CAMSAP3: variants seen among roughly 807,000 people sequenced by gnomAD.
The protein encoded by CAMSAP3 is calmodulin-regulated spectrin-associated protein 3.
A neutral mutation model predicts 112.5 loss-of-function variants in CAMSAP3; 34 were observed. The ratio of observed to expected loss-of-function variants is 0.30; its 90% CI spans 0.23 to 0.40. CAMSAP3 has a LOEUF of 0.40. CAMSAP3 is among the 10% of genes least tolerant of loss of function. The probability of loss-of-function intolerance (pLI) is 1.00; values close to 1 mark genes in which losing one functional copy is unlikely to be tolerated. For missense variants in CAMSAP3, 1,602 were observed against 1,770.3 expected, an observed-to-expected ratio of 0.90 and a Z score of 1.71; for synonymous variants, 868 against 799.8, an observed-to-expected ratio of 1.09 and a Z score of -1.44.
At chr19:7,601,246 T>C (rs2029953270) in intron 1 of CAMSAP3, among the ~76,000 whole-genome samples, 2 of 152,388 alleles carry the variant, frequency 1.3e-5, no homozygotes, top group East Asian at 1.9e-4. Flanking sequence ...TAAATTCTTA[T>C]TGTTTCTACA....
At chr19:7,616,773 T>G (rs2146177572) in intron 14 of CAMSAP3, 151 bp downstream of exon 14, 1 of 622,580 alleles carries the variant, frequency 1.6e-6, no homozygotes, top group East Asian at 2.9e-5. Context: ...TGGGCACGTG[T>G]GCATGGGGCA....
chr19:7,615,799 A>G lies in CAMSAP3; in HGVS notation c.3112+80A>G, dbSNP rs1468435532. The G allele has an allele frequency of 1.4e-4, 18 of 126,528 alleles. No homozygotes were observed. The highest frequency in any genetic ancestry group is 9.4e-4 in the South Asian group (2 of 2,126). 7.8% of individuals were successfully genotyped at this position (126,528 alleles called of 1,614,324 possible). On this transcript the variant is annotated intron_variant, in intron 13 of 16. Coordinates refer to ENST00000160298, the MANE Select transcript of CAMSAP3 (RefSeq NM_020902.2). This position sits in a 1 kb window ranked among gnomAD's most constrained non-coding sequence, Gnocchi z 6.5. ...GTGAGGCCCCCATGGGTAAGGGGGG[A>G]GGGGGAGGGAGATGTAAGCAGGGGT...
chr19:7,611,041 A>G lies in CAMSAP3; in HGVS notation c.1050-54A>G. The G allele has an allele frequency of 2.5e-6, 4 of 1,604,840 alleles. No homozygotes were observed. The South Asian group carries it at 4.4e-5, about 18-fold the overall frequency. On this transcript the variant is annotated intron_variant, in intron 8 of 16. Transcript: ENST00000160298. This position sits in a 1 kb window ranked among gnomAD's most constrained non-coding sequence, Gnocchi z 6.9. ...GTGATGCTGTTGTCTCCCCCCGGGG[A>G]GAGGCGGAGGAGGAGGTGGGGGTCC... is the stretch of plus-strand genomic sequence containing the variant.
At chr19:7,616,927 G>C (rs1907526651) in intron 14 of CAMSAP3, among the ~76,000 whole-genome samples, 1 of 139,936 alleles carries the variant, frequency 7.1e-6, no homozygotes, top group South Asian at 2.3e-4. Context: ...CAGTGTGTGT[G>C]GCCCGCCTTT....
At chr19:7,597,576 A>G (rs1478659406) in intron 1 of CAMSAP3, among the ~76,000 whole-genome samples, 1 of 152,208 alleles carries the variant, frequency 6.6e-6, no homozygotes, top group African/African-American at 2.4e-5. Context: ...TGCTATGTGT[A>G]GGGCACTGCT....
chr19:7,616,725 G>C (rs1394989410), intron 14 of CAMSAP3, 103 bp downstream of exon 14: 14 of 796,860 alleles, frequency 1.8e-5, no homozygotes, highest in South Asian at 5.6e-5. Flanking sequence ...TATGGCTCGA[G>C]TTTATGGATA....
intron 1 of CAMSAP3, among the ~76,000 whole-genome samples, chr19:7,600,347 T>C (rs1222304064): frequency 8.9e-3 from 1 of 112 alleles, no homozygotes; most frequent in Non-Finnish European, 0.019. Context: ...ACCCACCCAC[T>C]CATCCACCCA....
chr19:7,600,622 C>A (rs1352336776), intron 1 of CAMSAP3, among the ~76,000 whole-genome samples: 1 of 68,862 alleles, frequency 1.5e-5, no homozygotes, highest in Non-Finnish European at 2.7e-5. Flanking sequence ...ATCCACTCAT[C>A]CATCCACCCA....
chr19:7,608,179 G>T lies in CAMSAP3; in HGVS notation c.675G>T (p.Thr225=), dbSNP rs145801118. 6.9e-5 allele frequency: 111 copies of T among 1,612,594 alleles called. No individual in the cohort carries two copies. In the African/African-American group the frequency reaches 1.4e-3, roughly 20 times the overall value. The change falls in exon 5 of 17, where the codon ACG becomes ACT. Residue 225 remains threonine (T), a synonymous_variant. Transcript: ENST00000160298. ...VVARRAPCFP[T]VTSLQDLASG... ...CGCGACGTGCCCCCTGCTTCCCGAC[G>T]GTGACCAGCCTCCAGGACCTGGCCA...
Position 7,615,450 on chromosome 19 carries a change from C to T in CAMSAP3, c.2843C>T (p.Pro948Leu), listed in dbSNP as rs561595447. ...CAAGAGGAGGCCCCGGGCCCAGCCC[C>T]GCTTGTGTCCGCAGTCCCGATGGCG... ...LAQEEAPGPA[P>L]LVSAVPMATP... Residue 948 changes from proline (P) to leucine (L), a missense_variant, in exon 13 of 17, where the codon CCG becomes CTG. Pro to Leu is a moderately conservative substitution (Grantham distance 98, BLOSUM62 -3). Around this residue, in one of 6 missense-constraint regions of CAMSAP3, gnomAD observed 1,100 missense variants for 1,135.7 expected, o/e 0.97. Transcript: ENST00000160298. The surrounding 1 kb of genome is among the most constrained non-coding windows in gnomAD (Gnocchi z 6.5). 75 of 1,540,636 alleles carry T rather than the reference C, an allele frequency of 4.9e-5. No homozygotes were observed. The highest frequency in any genetic ancestry group is 6.1e-5 in the Non-Finnish European group (70 of 1,146,122).
chr19:7,600,424 C>T (rs1367232843), intron 1 of CAMSAP3, among the ~76,000 whole-genome samples: 1 of 12,070 alleles, frequency 8.3e-5, no homozygotes, highest in East Asian at 1.1e-3. Context: ...TCCATCCACC[C>T]GCCCATCCAT....
At chr19:7,606,156 A>ACACCC in intron 2 of CAMSAP3, 115 bp from the exon 3 acceptor site, 1 of 224,848 alleles carries the variant, frequency 4.4e-6, no homozygotes, top group East Asian at 1.2e-4. Flanking sequence ...CTCAAGCCCC[A>ACACCC]CCCCCCCCGT....
rs1480100355 is a variant in CAMSAP3 at position 7,612,918 on chromosome 19, C to T, written c.2425C>T (p.His809Tyr). The T allele has an allele frequency of 1.2e-6, 2 of 1,609,932 alleles. No homozygotes were observed. Among genetic ancestry groups the T allele is most frequent in the Non-Finnish European group, 1.7e-6 (2 of 1,179,208 alleles). Residue 809 changes from histidine (H) to tyrosine (Y), a missense_variant, in exon 11 of 17, where the codon CAC (histidine) becomes TAC (tyrosine). Physicochemically the swap from His to Tyr is moderately conservative, Grantham distance 83 (BLOSUM62 2). This residue lies in a region of CAMSAP3 where 1,100 missense variants were observed against 1,135.7 expected (regional missense o/e 0.97). Coordinates refer to ENST00000160298, the MANE Select transcript of CAMSAP3 (RefSeq NM_020902.2). ...ACCCCACGACGTAGACAGCCTCCCC[C>T]ACCTGCGCAAGTTCTCGCCGAGCCA... ...TPPHDVDSLPHLRKFSPSQVP... is the reference protein window; with the variant it reads ...TPPHDVDSLPYLRKFSPSQVP...
rs936636042 is a variant in CAMSAP3, at chr19:7,611,841, C to T, written c.1348C>T (p.Pro450Ser). 6.4e-7 allele frequency: 1 copy of T among 1,573,434 alleles called. No individual in the cohort carries two copies. Residue 450 changes from proline (P) to serine (S), a missense_variant, in exon 11 of 17, where the codon CCC becomes TCC. This residue lies in a region of CAMSAP3 where 1,100 missense variants were observed against 1,135.7 expected (regional missense o/e 0.97). Coordinates refer to ENST00000160298, the MANE Select transcript of CAMSAP3 (RefSeq NM_020902.2). The surrounding 1 kb of genome is among the most constrained non-coding windows in gnomAD (Gnocchi z 6.9). ...GCCGGCCAGGACCCCCACCCAGCCACCCCCGGAGCCTGGTGACCTGCCCAC... is the reference window on the plus strand; with the variant it reads ...GCCGGCCAGGACCCCCACCCAGCCATCCCCGGAGCCTGGTGACCTGCCCAC... ...PAPARTPTQPPPEPGDLPTIE... is the reference protein window; with the variant it reads ...PAPARTPTQPSPEPGDLPTIE...
At chr19:7,606,249 C>T (rs1208691675) in intron 2 of CAMSAP3, 22 bp from the exon 3 acceptor site, 4 of 1,602,876 alleles carry the variant, frequency 2.5e-6, no homozygotes, top group South Asian at 1.1e-5. Context: ...CAGGTCTCAC[C>T]CTCTAGCGCT....
chr19:7,596,559 C>A (rs1259255158), intron 1 of CAMSAP3, among the ~76,000 whole-genome samples: 1 of 152,154 alleles, frequency 6.6e-6, no homozygotes, highest in Non-Finnish European at 1.5e-5. Context: ...CGAGGATCTC[C>A]TCTCGGTCTC....
rs2030301964 is a variant in CAMSAP3, at chr19:7,607,970, C to T, written c.622-156C>T. The stretch of plus-strand genomic sequence containing the variant: ...TCTCCTCTGCCTCTTGCTGCTGCCC[C>T]TCCCCTGCTCCAGGCTGGCCCCCCA... On this transcript the variant is annotated intron_variant, in intron 4 of 16. Coordinates refer to ENST00000160298, the MANE Select transcript of CAMSAP3 (RefSeq NM_020902.2). This position sits in a 1 kb window ranked among gnomAD's most constrained non-coding sequence, Gnocchi z 4.9. 2.2e-6 allele frequency: 2 copies of T among 918,542 alleles called. No individual in the cohort carries two copies. Among genetic ancestry groups the T allele is most frequent in the African/African-American group, 1.7e-5 (1 of 59,842 alleles). The allele number at this position is 918,542 out of a possible 1,614,324, so 56.9% of individuals were successfully genotyped here. A position where few individuals can be genotyped will look rare whatever the true frequency, so the allele number is the denominator to read the frequency against.
At chr19:7,596,742 C>A (rs1474430542) in intron 1 of CAMSAP3, among the ~76,000 whole-genome samples, 1 of 152,142 alleles carries the variant, frequency 6.6e-6, no homozygotes, top group Non-Finnish European at 1.5e-5. Context: ...GCCTCCATAG[C>A]CCCCTCCAGC....
Position 7,611,305 on chromosome 19 carries a change from C to A in CAMSAP3, c.1123+137C>A. The A allele has an allele frequency of 1.1e-6, 1 of 934,068 alleles. No individual in the cohort carries two copies. The highest frequency in any genetic ancestry group is 1.6e-5 in the African/African-American group (1 of 60,904). 57.9% of individuals were successfully genotyped at this position (934,068 alleles called of 1,614,324 possible). A position where few individuals can be genotyped will look rare whatever the true frequency, so the allele number is the denominator to read the frequency against. ...CCCCCTTGGGCATCCCAAAGTGACC[C>A]CCAGAATGGCCTCCCCAGTGGCCCC... is the stretch of plus-strand genomic sequence containing the variant. On this transcript the variant is annotated intron_variant, in intron 9 of 16. Transcript: ENST00000160298. The surrounding 1 kb of genome is among the most constrained non-coding windows in gnomAD (Gnocchi z 6.9).
Sources: gnomAD v4.1 joint callset for allele counts (sites outside exome capture counted in the v4.1 genomes callset) on GRCh38, gnomAD v4.1.1 for gene constraint, gnomAD v4.1.1 regional missense constraint, Gnocchi (gnomAD v3.1) non-coding constraint, MANE v1.5 for transcripts, NCBI Gene and HGNC (gene_info 2026-07-23, HGNC 2026-07-21) for gene names.